ANKRD30BL: variants seen among roughly 807,000 people sequenced by gnomAD.
ANKRD30BL encodes putative ankyrin repeat domain-containing protein 30B-like.
Under a neutral mutation model 18.4 loss-of-function variants are expected in ANKRD30BL, and 20 were observed. The observed-to-expected ratio is 1.09, with a 90% CI of 0.77 to 1.58. ANKRD30BL has a LOEUF of 1.58. Ranked by LOEUF, ANKRD30BL falls within the 40% of genes most tolerant of loss-of-function variation. The probability of loss-of-function intolerance (pLI) is 0.00; values close to 1 mark genes in which losing one functional copy is unlikely to be tolerated. For missense variants in ANKRD30BL, 224 were observed against 268.6 expected (o/e 0.83, Z 1.16); for synonymous variants, 72 against 100.9 (o/e 0.71, Z 1.72).
At chr2:132,222,854 A>AG (rs1679731488) in intron 1 of ANKRD30BL, among the ~76,000 whole-genome samples, 1 of 148,696 alleles carries the variant, frequency 6.7e-6, no homozygotes, top group Non-Finnish European at 1.5e-5. Flanking sequence ...AAAAAAAAAA[A>AG]AAAAAAAAAA....
chr2:132,239,560 T>C (rs1030955986), intron 1 of ANKRD30BL, among the ~76,000 whole-genome samples: 12 of 151,740 alleles, frequency 7.9e-5, no homozygotes, highest in Admixed American at 4.6e-4. Flanking sequence ...GATAGAGCAG[T>C]TTTGATACAC....
intron 1 of ANKRD30BL, among the ~76,000 whole-genome samples, chr2:132,235,511 T>G (rs1304167116): frequency 2.6e-5 from 4 of 152,108 alleles, no homozygotes; most frequent in African/African-American, 7.2e-5. Flanking sequence ...AAAATCAATG[T>G]ACAAAAATCA....
intron 1 of ANKRD30BL, among the ~76,000 whole-genome samples, chr2:132,185,269 G>A (rs947819353): frequency 6.6e-6 from 1 of 152,122 alleles, no homozygotes; most frequent in African/African-American, 2.4e-5. Context: ...GGCTCAATCG[G>A]CTCCACTTGC....
chr2:132,200,724 G>A (rs1679080938), intron 1 of ANKRD30BL, among the ~76,000 whole-genome samples: 1 of 152,070 alleles, frequency 6.6e-6, no homozygotes, highest in Non-Finnish European at 1.5e-5. Flanking sequence ...ACTGCCCAAG[G>A]TAATTTACAC....
At chr2:132,159,068 A>C (rs529619705) in intron 1 of ANKRD30BL, among the ~76,000 whole-genome samples, 284 of 152,174 alleles carry the variant, frequency 1.9e-3, no homozygotes, top group Non-Finnish European at 3.5e-3. Flanking sequence ...AAAACATTTT[A>C]TATTAAACAC....
chr2:132,175,565 G>C (rs150054279), intron 1 of ANKRD30BL, among the ~76,000 whole-genome samples: 268 of 152,326 alleles, frequency 1.8e-3, no homozygotes, highest in African/African-American at 4.8e-3. Context: ...AGGCTTTCCT[G>C]TTTTACTAAT....
chr2:132,222,119 A>G (rs1679708065), intron 1 of ANKRD30BL, among the ~76,000 whole-genome samples: 1 of 139,810 alleles, frequency 7.2e-6, no homozygotes, highest in East Asian at 2.3e-4. Flanking sequence ...CAGCCGCCCT[A>G]TCTGGGAGGT....
chr2:132,238,461 G>C (rs879034464), intron 1 of ANKRD30BL, among the ~76,000 whole-genome samples: 1 of 152,026 alleles, frequency 6.6e-6, no homozygotes, highest in Non-Finnish European at 1.5e-5. Flanking sequence ...ATAAAAACAA[G>C]ACAGAAGCAT....
intron 1 of ANKRD30BL, among the ~76,000 whole-genome samples, chr2:132,205,529 A>T (rs907500346): frequency 6.6e-6 from 1 of 151,476 alleles, no homozygotes; most frequent in African/African-American, 2.4e-5. Context: ...TGAACCTGGG[A>T]GGCGGAGGTT....
chr2:132,187,471 C>T (rs1445563610), intron 1 of ANKRD30BL, among the ~76,000 whole-genome samples: 17 of 151,634 alleles, frequency 1.1e-4, no homozygotes, highest in Non-Finnish European at 2.2e-4. Flanking sequence ...CCCGCCACCA[C>T]GCCCGGCTAA....
chr2:132,199,857 CA>C (rs1347693231), intron 1 of ANKRD30BL, among the ~76,000 whole-genome samples: 1 of 151,736 alleles, frequency 6.6e-6, no homozygotes, highest in Non-Finnish European at 1.5e-5. Context: ...GAGACACAAC[CA>C]AAAAAGAGAA....
At chr2:132,254,246 G>A (rs113042855) in intron 1 of ANKRD30BL, among the ~76,000 whole-genome samples, 21 of 151,804 alleles carry the variant, frequency 1.4e-4, no homozygotes, top group Middle Eastern at 6.8e-3. Context: ...GCCATGCAAC[G>A]AACAAAGGGC....
At chr2:132,243,103 G>A (rs970024723) in intron 1 of ANKRD30BL, among the ~76,000 whole-genome samples, 2 of 151,734 alleles carry the variant, frequency 1.3e-5, no homozygotes, top group East Asian at 3.9e-4. Context: ...TCTGGTGTGT[G>A]CATTCAAATC....
chr2:132,256,863 C>G (rs77115332), intron 1 of ANKRD30BL: 3 of 436,518 alleles, frequency 6.9e-6, no homozygotes, highest in East Asian at 7.3e-5. Context: ...GTGAGCCGCT[C>G]GGGGAGAGAG....
intron 1 of ANKRD30BL, among the ~76,000 whole-genome samples, chr2:132,243,616 A>C (rs1000884534): frequency 4.5e-4 from 69 of 151,884 alleles, no homozygotes; most frequent in Non-Finnish European, 9.7e-4. Flanking sequence ...TGATGTGTGC[A>C]TTCAGCTCAC....
intron 1 of ANKRD30BL, among the ~76,000 whole-genome samples, chr2:132,214,723 C>G (rs970701927): frequency 6.6e-6 from 1 of 151,384 alleles, no homozygotes; most frequent in African/African-American, 2.4e-5. Flanking sequence ...GCGATGTGTG[C>G]ATTCATCTCA....
intron 1 of ANKRD30BL, among the ~76,000 whole-genome samples, chr2:132,213,902 T>C: frequency 6.6e-6 from 1 of 151,990 alleles, no homozygotes; most frequent in Non-Finnish European, 1.5e-5. Flanking sequence ...TTCTTTTGAT[T>C]AAGCAGCTTT....
intron 1 of ANKRD30BL, among the ~76,000 whole-genome samples, chr2:132,202,122 T>G (rs1679110858): frequency 1.3e-5 from 2 of 151,716 alleles, no homozygotes; most frequent in Admixed American, 6.6e-5. Flanking sequence ...AAGGGGAACA[T>G]CACACACTGG....
At chr2:132,225,659 T>C (rs78707659) in intron 1 of ANKRD30BL, among the ~76,000 whole-genome samples, 1 of 152,082 alleles carries the variant, frequency 6.6e-6, no homozygotes, top group Non-Finnish European at 1.5e-5. Flanking sequence ...GAAATGGGAA[T>C]ATCTTCACAT....
Sources: allele counts gnomAD v4.1 joint callset (sites outside exome capture counted in the v4.1 genomes callset), GRCh38; gene constraint gnomAD v4.1.1; transcripts MANE v1.5; gene names NCBI Gene and HGNC (gene_info 2026-07-23, HGNC 2026-07-21).